IL4I1: variants seen among roughly 807,000 people sequenced by gnomAD.
The protein encoded by IL4I1 is interleukin 4 induced 1.
Under a neutral mutation model 29.7 loss-of-function variants are expected in IL4I1, and 24 were observed. The observed-to-expected ratio is 0.81, with a 90% CI of 0.59 to 1.14. IL4I1 has a LOEUF of 1.14. IL4I1 is among the 50% of genes most tolerant of loss of function. The probability of loss-of-function intolerance (pLI) is 0.00; values close to 1 mark genes in which losing one functional copy is unlikely to be tolerated. For synonymous variants in IL4I1, 371 were observed against 352.5 expected (o/e 1.05, Z -0.59); for missense variants, 686 against 785.6 (o/e 0.87, Z 1.52).
Position 49,894,356 on chromosome 19 carries a change from T to A in IL4I1, c.479A>T (p.Glu160Val). 6.2e-7 allele frequency: 1 copy of A among 1,614,228 alleles called. No individual in the cohort carries two copies. Among genetic ancestry groups the A allele is most frequent in the Non-Finnish European group, 8.5e-7 (1 of 1,180,046 alleles). The change falls in exon 5 of 8, where the codon GAG becomes GTG. Residue 160 changes from glutamate (E) to valine (V), a missense_variant. Physicochemically the swap from Glu to Val is moderately radical, Grantham distance 121. Coordinates refer to ENST00000391826, the MANE Select transcript of IL4I1 (RefSeq NM_152899.2). ...GTAGCCCAGCTTCTCGGGCACCTTC[T>A]CCACCACATAGTTGCGCAGCTTCAC... ...HEVKLRNYVV[E>V]KVPEKLGYAL...
rs1002163323 is a variant in IL4I1, at chr19:49,914,615, G to C, written c.-227-10294C>G. Among the ~76,000 whole-genome samples the C allele has an allele frequency of 6.6e-5, 10 of 151,842 alleles. No homozygotes were observed. In the East Asian group the frequency reaches 1.9e-3, roughly 29 times the overall value. On this transcript the variant is annotated intron_variant, in intron 2 of 9. Transcript: ENST00000341114. The stretch of plus-strand genomic sequence containing the variant: ...TGCGGAATCATCTGAATTCAGGTGG[G>C]CATATCCCACCCCCATCTGTGAGAA...
chr19:49,892,483 T>C (rs1298327315), intron 5 of IL4I1, among the ~76,000 whole-genome samples: 1 of 152,240 alleles, frequency 6.6e-6, no homozygotes, highest in Non-Finnish European at 1.5e-5. Context: ...ATGTCTTTTA[T>C]GGCAGCTCTG....
rs1453212742 is a variant in IL4I1 at position 49,921,690 on chromosome 19, G to C, written c.-228+6004C>G. Among the ~76,000 whole-genome samples, 1 of 152,174 alleles carries C rather than the reference G, an allele frequency of 6.6e-6. No homozygotes were observed. The highest frequency in any genetic ancestry group is 1.5e-5 in the Non-Finnish European group (1 of 68,022). On this transcript the variant is annotated intron_variant, in intron 2 of 9. Coordinates refer to the IL4I1 transcript ENST00000341114. This position sits in a 1 kb window ranked among gnomAD's most constrained non-coding sequence, Gnocchi z 5.4. ...GGGGGTACCCCTCTGCCCATTGAGG[G>C]GGCACCTAGGGAGCCTAGGGGTCCC...
chr19:49,892,740 C>G (rs1201688050), intron 5 of IL4I1, among the ~76,000 whole-genome samples: 2 of 152,208 alleles, frequency 1.3e-5, no homozygotes, highest in Non-Finnish European at 2.9e-5. Context: ...CCCCTTCACT[C>G]ACTCATGCAT....
At chr19:49,903,996 G>T (rs558686655) in intron 3 of IL4I1, among the ~76,000 whole-genome samples, 4 of 149,872 alleles carry the variant, frequency 2.7e-5, no homozygotes, top group Non-Finnish European at 3.0e-5. Flanking sequence ...GAGCCACTAC[G>T]CCAGGCTAAT....
At position 49,921,966 on chromosome 19, in the gene IL4I1, C is replaced by T. The variant is rs1026735639; in HGVS notation, c.-228+5728G>A. On this transcript the variant is annotated intron_variant, in intron 2 of 9. Coordinates refer to the IL4I1 transcript ENST00000341114. This position sits in a 1 kb window ranked among gnomAD's most constrained non-coding sequence, Gnocchi z 5.4. Reference sequence around the variant, plus strand: ...TGCTGCGAGAAAGCAGCCCCGACGGCAGGGCCCTAGGGCCCCAGGCCAGGC... The same window carrying T: ...TGCTGCGAGAAAGCAGCCCCGACGGTAGGGCCCTAGGGCCCCAGGCCAGGC... 3.9e-5 allele frequency among the ~76,000 whole-genome samples: 6 copies of T among 152,202 alleles called. No individual in the cohort carries two copies. Among genetic ancestry groups the T allele is most frequent in the Admixed American group, 6.5e-5 (1 of 15,290 alleles).
intron 3 of IL4I1, among the ~76,000 whole-genome samples, chr19:49,902,750 A>G (rs2075282054): frequency 6.6e-6 from 1 of 151,712 alleles, no homozygotes; most frequent in African/African-American, 2.4e-5. Context: ...GAATCACTTG[A>G]ACCTGGGAGG....
At chr19:49,904,001 G>A (rs1013754299) in intron 3 of IL4I1, among the ~76,000 whole-genome samples, 2 of 148,082 alleles carry the variant, frequency 1.4e-5, no homozygotes, top group Non-Finnish European at 3.0e-5. Context: ...ACTACGCCAG[G>A]CTAATTTTTG....
intron 2 of IL4I1, chr19:49,909,852 A>G: frequency 6.3e-7 from 1 of 1,592,794 alleles, no homozygotes; most frequent in Non-Finnish European, 8.6e-7. Flanking sequence ...TCCCAAAGCA[A>G]ATCCGTCGGT....
chr19:49,909,989 T>C (rs1600504489), intron 2 of IL4I1: 4 of 701,014 alleles, frequency 5.7e-6, no homozygotes, highest in East Asian at 5.4e-5. Context: ...GGGATAATGA[T>C]GCATGCTGTG....
chr19:49,890,658 C>T, intron 7 of IL4I1, 58 bp from the exon 8 acceptor site: 4 of 1,399,198 alleles, frequency 2.9e-6, no homozygotes, highest in South Asian at 1.5e-5. Context: ...CCCTGCCCCT[C>T]TGCCTTGCCC....
chr19:49,927,333 A>G (rs1175345722), intron 2 of IL4I1, among the ~76,000 whole-genome samples: 1 of 152,164 alleles, frequency 6.6e-6, no homozygotes, highest in African/African-American at 2.4e-5. Context: ...TCCTGGGGCC[A>G]CATTGAAGAA....
At chr19:49,915,311 G>A (rs1051621623) in intron 2 of IL4I1, among the ~76,000 whole-genome samples, 21 of 152,178 alleles carry the variant, frequency 1.4e-4, no homozygotes, top group Middle Eastern at 3.2e-3. Context: ...TGACCACAGG[G>A]GTTCTTCAGG....
At chr19:49,916,070 A>G (rs1329459355) in intron 2 of IL4I1, among the ~76,000 whole-genome samples, 3 of 152,240 alleles carry the variant, frequency 2.0e-5, no homozygotes, top group Admixed American at 2.0e-4. Context: ...AGAGCACTGC[A>G]CTGCAGCACA....
chr19:49,928,444 G>C (rs1405568608), intron 1 of IL4I1: 2 of 152,004 alleles, frequency 1.3e-5, no homozygotes, highest in Non-Finnish European at 2.9e-5. Context: ...GTGAACCTGG[G>C]AGGCGGAGTT....
upstream of IL4I1, among the ~76,000 whole-genome samples, chr19:49,899,375 T>C (rs1452874281): frequency 2.6e-5 from 4 of 152,202 alleles, no homozygotes; most frequent in Middle Eastern, 3.4e-3. Context: ...CTTGGGGGAC[T>C]TCTGGGTGGT....
At chr19:49,925,192 C>T (rs569085323) in intron 2 of IL4I1, among the ~76,000 whole-genome samples, 84 of 152,152 alleles carry the variant, frequency 5.5e-4, no homozygotes, top group African/African-American at 2.0e-3. Context: ...ACCCAGGAGG[C>T]AGAGGTTGCG....
At chr19:49,895,029 T>C (rs769960651) in intron 4 of IL4I1, 39 bp downstream of exon 4, 2 of 1,512,442 alleles carry the variant, frequency 1.3e-6, no homozygotes, top group African/African-American at 1.4e-5. Flanking sequence ...GGGGGGCTAG[T>C]TGAGTCTAGG....
At position 49,908,994 on chromosome 19, in the gene IL4I1, A is replaced by G. The variant is rs1568699872; in HGVS notation, c.-227-4673T>C. The G allele has an allele frequency of 3.1e-6, 5 of 1,609,978 alleles. No homozygotes were observed. In the Admixed American group the frequency reaches 5.0e-5, roughly 16 times the overall value. On this transcript the variant is annotated intron_variant, in intron 2 of 9. Coordinates refer to the IL4I1 transcript ENST00000341114. ...GTGGCGGTGGCGGTGGCAGCGGTGG[A>G]TGTTGTTGTGGAGGTGCCGGAAGCT... is the stretch of plus-strand genomic sequence containing the variant.
Sources: allele counts gnomAD v4.1 joint callset (sites outside exome capture counted in the v4.1 genomes callset), GRCh38; gene constraint gnomAD v4.1.1; non-coding constraint Gnocchi (gnomAD v3.1); transcripts MANE v1.5; gene names NCBI Gene and HGNC (gene_info 2026-07-23, HGNC 2026-07-21).